LINGO2: variants seen among roughly 807,000 people sequenced by gnomAD.
LINGO2 encodes the protein leucine-rich repeat and immunoglobulin-like domain-containing nogo receptor-interacting protein 2.
In LINGO2, 14 loss-of-function variants were observed where a neutral mutation model predicts 30.6. The ratio of observed to expected loss-of-function variants is 0.46; its 90% CI spans 0.30 to 0.72. LINGO2 has a LOEUF of 0.72. Among genes scored for constraint, LINGO2 ranks in the 30% least tolerant of loss-of-function variants. The pLI, the probability that LINGO2 is intolerant of heterozygous loss-of-function variation, is 0.07. For synonymous variants in LINGO2, 317 were observed against 288.5 expected, an observed-to-expected ratio of 1.10 and a Z score of -1.00; for missense variants, 729 against 751.7, an observed-to-expected ratio of 0.97 and a Z score of 0.35.
At chr9:28,839,172 AC>A in the LINGO2 span, among the ~76,000 whole-genome samples, 3 of 151,698 alleles carry the variant, frequency 2.0e-5, no homozygotes, top group Non-Finnish European at 4.4e-5. Flanking sequence ...CCTTTTCATC[AC>A]CCTCAACATG....
rs183823823 is a variant in LINGO2 at position 28,397,494 on chromosome 9, A to T, written c.-278-24626T>A. Among the ~76,000 whole-genome samples the T allele has an allele frequency of 3.4e-4, 51 of 150,690 alleles. 1 individual carries two copies. The East Asian group carries it at 9.9e-3, about 29-fold the overall frequency. On this transcript the variant is annotated intron_variant, in intron 2 of 5. Transcript: ENST00000379992. ...TAACAGCCACATTTTGGATTTTACA[A>T]GAAGACATTTTATTGTTAACTATCA...
At chr9:28,255,428 C>A (rs975769169) in intron 4 of LINGO2, among the ~76,000 whole-genome samples, 4 of 152,042 alleles carry the variant, frequency 2.6e-5, no homozygotes, top group Non-Finnish European at 5.9e-5. Context: ...AAACCCTGCT[C>A]TACTATTTAT....
intron 4 of LINGO2, among the ~76,000 whole-genome samples, chr9:28,082,073 C>A (rs1825787678): frequency 6.6e-6 from 1 of 152,178 alleles, no homozygotes; most frequent in African/African-American, 2.4e-5. Context: ...GCTTTTGACA[C>A]ATGCTATCAC....
chr9:29,013,546 C>T, the LINGO2 span, among the ~76,000 whole-genome samples: 999 of 152,094 alleles, frequency 6.6e-3, 15 homozygotes, highest in African/African-American at 0.023. Context: ...GGAAATATAG[C>T]CACTTAGAGT....
intron 1 of LINGO2, among the ~76,000 whole-genome samples, chr9:28,518,341 T>C (rs1451210194): frequency 6.6e-6 from 1 of 152,224 alleles, no homozygotes; most frequent in East Asian, 1.9e-4. Context: ...TATCTAGTTA[T>C]AATATAGGTT....
intron 4 of LINGO2, among the ~76,000 whole-genome samples, chr9:28,276,044 C>A (rs890210550): frequency 6.6e-6 from 1 of 152,092 alleles, no homozygotes; most frequent in East Asian, 1.9e-4. Flanking sequence ...ATAGTACTTA[C>A]CTCAGAGAGC....
the LINGO2 span, among the ~76,000 whole-genome samples, chr9:28,705,013 C>T: frequency 6.6e-6 from 1 of 152,004 alleles, no homozygotes; most frequent in African/African-American, 2.4e-5. Flanking sequence ...GCCTCCTAGG[C>T]TCAGGTGATC....
intron 4 of LINGO2, among the ~76,000 whole-genome samples, chr9:28,040,819 C>T (rs955053658): frequency 1.3e-5 from 2 of 152,266 alleles, no homozygotes; most frequent in East Asian, 3.9e-4. Flanking sequence ...GGGTGTCTGG[C>T]TCCAAAATTC....
At chr9:28,596,498 G>A (rs1050659374) in intron 1 of LINGO2, among the ~76,000 whole-genome samples, 4 of 152,060 alleles carry the variant, frequency 2.6e-5, no homozygotes, top group Non-Finnish European at 4.4e-5. Flanking sequence ...ATTCTTAGTA[G>A]AGAATATTCT....
At chr9:29,000,092 C>T in the LINGO2 span, among the ~76,000 whole-genome samples, 1 of 151,836 alleles carries the variant, frequency 6.6e-6, no homozygotes, top group Non-Finnish European at 1.5e-5. Flanking sequence ...CGTAATTTTC[C>T]AGGGAGTACT....
At chr9:28,498,251 C>G (rs1212363445) in intron 1 of LINGO2, among the ~76,000 whole-genome samples, 1 of 152,206 alleles carries the variant, frequency 6.6e-6, no homozygotes, top group African/African-American at 2.4e-5. Context: ...GCCCTGCCCC[C>G]AGAGGTGGAG....
intron 1 of LINGO2, among the ~76,000 whole-genome samples, chr9:28,535,556 T>C (rs577642412): frequency 1.3e-5 from 2 of 152,146 alleles, no homozygotes; most frequent in South Asian, 2.1e-4. Context: ...TATACACATA[T>C]ATAGAAAATG....
At chr9:28,448,894 C>T (rs899150872) in intron 2 of LINGO2, among the ~76,000 whole-genome samples, 59 of 151,912 alleles carry the variant, frequency 3.9e-4, no homozygotes, top group African/African-American at 1.4e-3. Flanking sequence ...TAGGACAAGT[C>T]AGGGATATAT....
At chr9:29,092,478 C>T in the LINGO2 span, among the ~76,000 whole-genome samples, 2 of 152,024 alleles carry the variant, frequency 1.3e-5, no homozygotes, top group African/African-American at 4.8e-5. Context: ...TTGGTTAATA[C>T]TTACCTATAA....
chr9:28,688,871 C>T, the LINGO2 span, among the ~76,000 whole-genome samples: 1 of 152,114 alleles, frequency 6.6e-6, no homozygotes, highest in South Asian at 2.1e-4. Context: ...TATAATATGT[C>T]ATCTGTCTGT....
At chr9:28,179,189 G>T (rs959904950) in intron 4 of LINGO2, among the ~76,000 whole-genome samples, 1 of 149,702 alleles carries the variant, frequency 6.7e-6, no homozygotes, top group Non-Finnish European at 1.5e-5. Flanking sequence ...ATAGCTAATA[G>T]CATCTCTAAG....
the LINGO2 span, among the ~76,000 whole-genome samples, chr9:28,742,354 T>C: frequency 0.96 from 144,655 of 151,288 alleles, 69,465 homozygotes; most frequent in Non-Finnish European, 1. Context: ...TATTTTTGTA[T>C]GCAGATACTT....
chr9:28,403,473 G>A (rs562595281), intron 2 of LINGO2, among the ~76,000 whole-genome samples: 1 of 152,240 alleles, frequency 6.6e-6, no homozygotes, highest in South Asian at 2.1e-4. Flanking sequence ...AAATGGTAAT[G>A]TATATCATTG....
At chr9:28,581,833 T>C (rs538326800) in intron 1 of LINGO2, among the ~76,000 whole-genome samples, 1 of 152,078 alleles carries the variant, frequency 6.6e-6, no homozygotes, top group South Asian at 2.1e-4. Context: ...TTTTCATAAT[T>C]CATATTTATT....
Sources: allele counts gnomAD v4.1 joint callset (sites outside exome capture counted in the v4.1 genomes callset), GRCh38; gene constraint gnomAD v4.1.1; transcripts MANE v1.5; gene names NCBI Gene and HGNC (gene_info 2026-07-23, HGNC 2026-07-21).